TBC1D4: variants seen among roughly 807,000 people sequenced by gnomAD.
The protein encoded by TBC1D4 is TBC (Tre-2, BUB2, CDC16) domain-containing protein.
A neutral mutation model predicts 142.5 loss-of-function variants in TBC1D4; 121 were observed. That is an observed-to-expected ratio of 0.85 (90% CI 0.73 to 0.99). The LOEUF is 0.99. Among genes scored for constraint, TBC1D4 ranks in the 50% least tolerant of loss-of-function variants. The probability of loss-of-function intolerance (pLI) is 0.00; values close to 1 mark genes in which losing one functional copy is unlikely to be tolerated. For synonymous variants in TBC1D4, 630 were observed against 628.2 expected (o/e 1.00, Z -0.04); for missense variants, 1,475 against 1,606.6 (o/e 0.92, Z 1.40).
intron 1 of TBC1D4, among the ~76,000 whole-genome samples, chr13:75,424,992 C>G (rs972405257): frequency 3.3e-5 from 5 of 151,956 alleles, no homozygotes; most frequent in African/African-American, 1.2e-4. Context: ...CAAAAATAGA[C>G]AAATGGGATG....
At chr13:75,361,587 C>A (rs934510668) in intron 2 of TBC1D4, among the ~76,000 whole-genome samples, 2 of 152,172 alleles carry the variant, frequency 1.3e-5, no homozygotes, top group Admixed American at 6.5e-5. Context: ...GCCATGTTGG[C>A]CAGGCTGATC....
intron 5 of TBC1D4, among the ~76,000 whole-genome samples, chr13:75,343,325 G>A (rs932067673): frequency 1.3e-5 from 2 of 152,112 alleles, no homozygotes; most frequent in Non-Finnish European, 2.9e-5. Context: ...GCAGCCACAC[G>A]GCCACCAGGC....
intron 1 of TBC1D4, among the ~76,000 whole-genome samples, chr13:75,391,776 C>T (rs1016115053): frequency 6.6e-6 from 1 of 152,170 alleles, no homozygotes; most frequent in Admixed American, 6.5e-5. Flanking sequence ...CTGAGCTCCT[C>T]GCCTGCCACT....
At chr13:75,367,035 T>C in intron 1 of TBC1D4, 1 of 959,124 alleles carries the variant, frequency 1.0e-6, no homozygotes, top group Non-Finnish European at 1.2e-6. Context: ...GGCGGTATTT[T>C]CATTGTATTT....
chr13:75,371,690 A>C (rs1385666959), intron 1 of TBC1D4, among the ~76,000 whole-genome samples: 1 of 152,216 alleles, frequency 6.6e-6, no homozygotes, highest in African/African-American at 2.4e-5. Flanking sequence ...CCTACATGGC[A>C]TCAAGTATTT....
intron 1 of TBC1D4, among the ~76,000 whole-genome samples, chr13:75,453,201 T>C (rs559075216): frequency 7.3e-4 from 111 of 151,970 alleles, no homozygotes; most frequent in African/African-American, 2.5e-3. Flanking sequence ...ATAAGATTTT[T>C]AGGTAGCATT....
intron 1 of TBC1D4, among the ~76,000 whole-genome samples, chr13:75,382,897 TGAC>T (rs2138263219): frequency 6.6e-6 from 1 of 152,362 alleles, no homozygotes; most frequent in South Asian, 2.1e-4. Flanking sequence ...CCGTCTCTTT[TGAC>T]TTCTTTTAAT....
In TBC1D4 at chr13:75,324,301, A is replaced by G. The variant is rs1405286034; in HGVS notation, c.2134T>C (p.Ser712Pro). 3.7e-6 allele frequency: 6 copies of G among 1,613,892 alleles called. No individual in the cohort carries two copies. Among genetic ancestry groups the G allele is most frequent in the Non-Finnish European group, 5.1e-6 (6 of 1,179,900 alleles). Residue 712 changes from serine to proline, a missense_variant, in exon 11 of 21, where the codon TCT becomes CCT. By Grantham distance (74) the Ser-to-Pro change is moderately conservative. Transcript: ENST00000377636. ...SFSAPSFTAP[S>P]FLKSFYQNSG... Reference sequence around the variant, plus strand: ...TTCTGGTAAAAGCTTTTCAGGAAAGAGGGGGCAGTGAAGGAAGGGGCAGAG... The same window carrying G: ...TTCTGGTAAAAGCTTTTCAGGAAAGGGGGGGCAGTGAAGGAAGGGGCAGAG...
intron 1 of TBC1D4, among the ~76,000 whole-genome samples, chr13:75,410,161 T>G: frequency 6.6e-6 from 1 of 152,324 alleles, no homozygotes; most frequent in East Asian, 1.9e-4. Context: ...CAATAAATGG[T>G]ACCTATAATT....
intron 1 of TBC1D4, among the ~76,000 whole-genome samples, chr13:75,448,449 T>G (rs770180548): frequency 1.3e-5 from 2 of 151,692 alleles, no homozygotes; most frequent in African/African-American, 2.4e-5. Context: ...CATCCTGTAA[T>G]CCCAGCTACT....
chr13:75,389,998 G>A (rs1388397563), intron 1 of TBC1D4, among the ~76,000 whole-genome samples: 1 of 152,134 alleles, frequency 6.6e-6, no homozygotes, highest in African/African-American at 2.4e-5. Flanking sequence ...AGAAGAGGCT[G>A]GGCATGGTGG....
intron 13 of TBC1D4, among the ~76,000 whole-genome samples, chr13:75,311,081 C>G (rs1877701660): frequency 6.6e-6 from 1 of 152,190 alleles, no homozygotes; most frequent in South Asian, 2.1e-4. Flanking sequence ...TATTAACAAC[C>G]ATAATCACAT....
rs1566374975 is a variant in TBC1D4 at position 75,320,309 on chromosome 13, T to C, written c.2199-272A>G. Among the ~76,000 whole-genome samples the C allele has an allele frequency of 2.0e-5, 3 of 152,100 alleles. No homozygotes were observed. The South Asian group carries it at 6.2e-4, about 32-fold the overall frequency. On this transcript the variant is annotated intron_variant, in intron 11 of 20. Transcript: ENST00000377636. ...ATAGAAGTAGTATCTATCATTTACT[T>C]TTTTTTGACTGTCATTTACTTCTGA... is the stretch of plus-strand genomic sequence containing the variant.
intron 17 of TBC1D4, among the ~76,000 whole-genome samples, chr13:75,297,720 G>A (rs528361518): frequency 3.3e-5 from 5 of 149,880 alleles, no homozygotes; most frequent in African/African-American, 9.8e-5. Context: ...TCGCGCCACT[G>A]CACTCCTGCC....
At chr13:75,478,309 A>G (rs985498191) in intron 1 of TBC1D4, among the ~76,000 whole-genome samples, 1 of 152,190 alleles carries the variant, frequency 6.6e-6, no homozygotes, top group Non-Finnish European at 1.5e-5. Flanking sequence ...TTGTATAATT[A>G]TTAGTGGTGC....
intron 1 of TBC1D4, among the ~76,000 whole-genome samples, chr13:75,389,089 A>G (rs1253769361): frequency 6.6e-6 from 1 of 152,264 alleles, no homozygotes; most frequent in Non-Finnish European, 1.5e-5. Context: ...TCACTAAAAT[A>G]GTAGCTATTG....
chr13:75,361,988 T>A (rs1265361808), intron 2 of TBC1D4, 38 bp downstream of exon 2: 1 of 1,611,966 alleles, frequency 6.2e-7, no homozygotes, highest in South Asian at 1.1e-5. Flanking sequence ...ATCTGGCACC[T>A]TTTGGGGCAA....
At chr13:75,414,853 G>A (rs1885843191) in intron 1 of TBC1D4, among the ~76,000 whole-genome samples, 1 of 152,236 alleles carries the variant, frequency 6.6e-6, no homozygotes. Context: ...GCCAGGCCTA[G>A]TGGCTCATGC....
At chr13:75,313,055 C>T (rs1877947002) in intron 12 of TBC1D4, among the ~76,000 whole-genome samples, 157 bp from the exon 13 acceptor site, 1 of 152,168 alleles carries the variant, frequency 6.6e-6, no homozygotes, top group African/African-American at 2.4e-5. Context: ...ACTAGTCACC[C>T]AGGCCACCAC....
Sources: gnomAD v4.1 joint callset for allele counts (sites outside exome capture counted in the v4.1 genomes callset) on GRCh38, gnomAD v4.1.1 for gene constraint, MANE v1.5 for transcripts, NCBI Gene and HGNC (gene_info 2026-07-23, HGNC 2026-07-21) for gene names.